The following PPP1R9A variants were observed in gnomAD, a reference collection of about 807,000 sequenced individuals.
PPP1R9A encodes the protein protein phosphatase 1 regulatory subunit 9A, also known as neurabin-1.
A neutral mutation model predicts 141.9 loss-of-function variants in PPP1R9A; 59 were observed. The ratio of observed to expected loss-of-function variants is 0.42; its 90% CI spans 0.34 to 0.52. The LOEUF is 0.52. Ranked by LOEUF, PPP1R9A falls within the 20% of genes least tolerant of loss-of-function variation. PPP1R9A has a pLI of 0.10. For synonymous variants in PPP1R9A, 500 were observed against 569.7 expected (o/e 0.88, Z 1.74); for missense variants, 1,444 against 1,611.9 (o/e 0.90, Z 1.78).
At chr7:94,978,822 G>A (rs1480596431) in intron 2 of PPP1R9A, among the ~76,000 whole-genome samples, 3 of 152,012 alleles carry the variant, frequency 2.0e-5, no homozygotes, top group South Asian at 4.1e-4. Flanking sequence ...TGTGAGACAC[G>A]GTCTCGCTCT....
chr7:95,282,822 G>A (rs1467638511), intron 16 of PPP1R9A, among the ~76,000 whole-genome samples: 1 of 152,076 alleles, frequency 6.6e-6, no homozygotes, highest in Non-Finnish European at 1.5e-5. Flanking sequence ...TTGCTTTACA[G>A]TTTACAAGAT....
At position 95,073,882 on chromosome 7, in the gene PPP1R9A, C is replaced by T. The variant is rs113058621; in HGVS notation, c.1396-37377C>T. ...TAGTCATAAGCCATGGAACCCAGCC[C>T]ATAACTTCTTTAAACAAAAAATATT... On this transcript the variant is annotated intron_variant, in intron 2 of 19. Coordinates refer to ENST00000433360, the MANE Select transcript of PPP1R9A (RefSeq NM_001166160.2). Among the ~76,000 whole-genome samples, 290 of 152,004 alleles carry T rather than the reference C, an allele frequency of 1.9e-3. 1 individual carries two copies. The highest frequency in any genetic ancestry group is 6.4e-3 in the African/African-American group (267 of 41,452).
chr7:95,209,330 A>G (rs1187505505), intron 7 of PPP1R9A, among the ~76,000 whole-genome samples: 1 of 152,192 alleles, frequency 6.6e-6, no homozygotes, highest in African/African-American at 2.4e-5. Flanking sequence ...GTATGAGAAT[A>G]TCATGGTACT....
chr7:94,999,123 C>T (rs769362463), intron 2 of PPP1R9A, among the ~76,000 whole-genome samples: 2 of 152,154 alleles, frequency 1.3e-5, no homozygotes, highest in African/African-American at 2.4e-5. Context: ...ACTATTTGGA[C>T]TATATTGTGA....
intron 2 of PPP1R9A, among the ~76,000 whole-genome samples, chr7:95,042,805 T>C (rs1181144611): frequency 6.6e-6 from 1 of 152,156 alleles, no homozygotes; most frequent in Non-Finnish European, 1.5e-5. Flanking sequence ...ATCTACATGT[T>C]AAAATAAATT....
chr7:95,078,429 C>T (rs988794852), intron 2 of PPP1R9A, among the ~76,000 whole-genome samples: 16 of 151,404 alleles, frequency 1.1e-4, no homozygotes, highest in African/African-American at 2.2e-4. Flanking sequence ...TGAATAGTGC[C>T]GCAATAAACA....
chr7:95,274,628 A>C lies in PPP1R9A; in HGVS notation c.3296+460A>C, dbSNP rs1248623373. Among the ~76,000 whole-genome samples the C allele has an allele frequency of 4.6e-5, 7 of 152,192 alleles. No homozygotes were observed. The East Asian group carries it at 1.3e-3, about 29-fold the overall frequency. On this transcript the variant is annotated intron_variant, in intron 16 of 19. Coordinates refer to ENST00000433360, the MANE Select transcript of PPP1R9A (RefSeq NM_001166160.2). ...AGGAGTGACCACCATCTTTTGCTGC[A>C]CTTGGCTATTTAATTGATTTTGTGG...
intron 2 of PPP1R9A, among the ~76,000 whole-genome samples, chr7:94,991,471 A>G (rs963341303): frequency 6.6e-6 from 1 of 152,090 alleles, no homozygotes; most frequent in East Asian, 1.9e-4. Flanking sequence ...TTCTTATTCA[A>G]CATGTTATCT....
chr7:95,118,497 A>G (rs1821915000), intron 3 of PPP1R9A, among the ~76,000 whole-genome samples: 1 of 152,194 alleles, frequency 6.6e-6, no homozygotes, highest in African/African-American at 2.4e-5. Context: ...CAGGGGAAAC[A>G]CTGTAAAGAT....
chr7:95,082,473 G>C (rs1422030342), intron 2 of PPP1R9A, among the ~76,000 whole-genome samples: 1 of 150,584 alleles, frequency 6.6e-6, no homozygotes, highest in Non-Finnish European at 1.5e-5. Context: ...GGTGTGATGG[G>C]TGATTCCTGT....
chr7:95,005,348 T>A (rs576126824), intron 2 of PPP1R9A, among the ~76,000 whole-genome samples: 64 of 152,312 alleles, frequency 4.2e-4, no homozygotes, highest in African/African-American at 1.4e-3. Context: ...TGAATTCATT[T>A]TATAGAGAAT....
intron 2 of PPP1R9A, among the ~76,000 whole-genome samples, chr7:94,963,383 C>G (rs966093910): frequency 6.6e-6 from 1 of 152,060 alleles, no homozygotes; most frequent in Non-Finnish European, 1.5e-5. Flanking sequence ...AATTCACATA[C>G]CATAAAATTT....
At chr7:95,035,750 A>G (rs1176288423) in intron 2 of PPP1R9A, 1 of 152,232 alleles carries the variant, frequency 6.6e-6, no homozygotes, top group Admixed American at 6.5e-5. Flanking sequence ...AAGCTTTCAG[A>G]AAATGGTTTT....
intron 2 of PPP1R9A, among the ~76,000 whole-genome samples, chr7:94,970,498 C>G (rs779180400): frequency 7.9e-5 from 12 of 152,230 alleles, no homozygotes; most frequent in Admixed American, 3.3e-4. Context: ...GTGGGCTGTA[C>G]CCACTCTCTA....
At chr7:95,125,480 A>T (rs759906520) in intron 4 of PPP1R9A, among the ~76,000 whole-genome samples, 4 of 152,162 alleles carry the variant, frequency 2.6e-5, no homozygotes, top group Non-Finnish European at 5.9e-5. Context: ...AATTTTTGGG[A>T]TTGCACAGAG....
intron 2 of PPP1R9A, among the ~76,000 whole-genome samples, chr7:94,989,942 ACT>A (rs1000861078): frequency 6.6e-6 from 1 of 151,978 alleles, no homozygotes; most frequent in South Asian, 2.1e-4. Context: ...TAGAAAAAAG[ACT>A]CTTTGTTGAT....
intron 2 of PPP1R9A, among the ~76,000 whole-genome samples, chr7:94,980,697 C>T (rs1800004547): frequency 6.6e-6 from 1 of 151,760 alleles, no homozygotes; most frequent in African/African-American, 2.4e-5. Flanking sequence ...AAATCCTGGC[C>T]TACCTTATCT....
Position 95,250,219 on chromosome 7 carries a change from A to G in PPP1R9A, c.2360A>G (p.Asn787Ser), listed in dbSNP as rs371397345. 6.2e-6 allele frequency: 10 copies of G among 1,612,056 alleles called. No individual in the cohort carries two copies. Among genetic ancestry groups the G allele is most frequent in the Admixed American group, 1.7e-5 (1 of 59,598 alleles). Residue 787 changes from asparagine (N) to serine (S), a missense_variant, in exon 10 of 20, where the codon AAC becomes AGC. Transcript: ENST00000433360. ...TATCAGGCCTTGGAAAAGAAATACAACAAGGCAAAGAAGTTGATCAAGGAT... is the reference window on the plus strand; with the variant it reads ...TATCAGGCCTTGGAAAAGAAATACAGCAAGGCAAAGAAGTTGATCAAGGAT... ...SQYQALEKKY[N>S]KAKKLIKDFQ...
chr7:95,161,982 G>T lies in PPP1R9A; in HGVS notation c.1754+11G>T. 6.5e-7 allele frequency: 1 copy of T among 1,550,122 alleles called. No homozygotes were observed. Among genetic ancestry groups the T allele is most frequent in the Non-Finnish European group, 8.9e-7 (1 of 1,126,720 alleles). ...CAAGGGCAACGTCAGGTAAATACGT[G>T]CCTTCTAATATACACCATGTTGTTA... On this transcript the variant is annotated intron_variant, in intron 5 of 19. Coordinates refer to ENST00000433360, the MANE Select transcript of PPP1R9A (RefSeq NM_001166160.2).
Sources: gnomAD v4.1 joint callset for allele counts (sites outside exome capture counted in the v4.1 genomes callset) on GRCh38, gnomAD v4.1.1 for gene constraint, MANE v1.5 for transcripts, NCBI Gene and HGNC (gene_info 2026-07-23, HGNC 2026-07-21) for gene names.